The following SORCS1 variants were observed in gnomAD, a reference collection of about 807,000 sequenced individuals.
SORCS1 encodes the protein sortilin related VPS10 domain containing receptor 1.
In SORCS1, 60 loss-of-function variants were observed where a neutral mutation model predicts 146.1. The ratio of observed to expected loss-of-function variants is 0.41; its 90% confidence interval spans 0.33 to 0.51. SORCS1 has a LOEUF of 0.51. SORCS1 is among the 20% of genes least tolerant of loss of function. The pLI is 0.21. For missense variants in SORCS1, 1,352 were observed against 1,487.6 expected, an observed-to-expected ratio of 0.91 and a Z score of 1.50; for synonymous variants, 637 against 584.0, an observed-to-expected ratio of 1.09 and a Z score of -1.31.
rs766457443 is a variant in SORCS1 at position 106,577,367 on chromosome 10, G to A, written c.*53C>T. 2 of 1,612,784 alleles carry A rather than the reference G, an allele frequency of 1.2e-6. No individual in the cohort carries two copies. Among genetic ancestry groups the A allele is most frequent in the East Asian group, 4.5e-5 (2 of 44,840 alleles). On this transcript the variant is annotated 3_prime_UTR_variant, in exon 26 of 26. Transcript: ENST00000263054. ...TCATGAAGGATGATGTACTTGACAAGAGCGAAATTCTTTCCTGATCAGCAG... is the reference window on the plus strand; with the variant it reads ...TCATGAAGGATGATGTACTTGACAAAAGCGAAATTCTTTCCTGATCAGCAG...
intron 7 of SORCS1, among the ~76,000 whole-genome samples, 160 bp downstream of exon 7, chr10:106,709,062 CT>C (rs1457531897): frequency 2.0e-5 from 3 of 152,098 alleles, no homozygotes; most frequent in African/African-American, 7.2e-5. Context: ...ACTAATTATC[CT>C]TTTATTGAAA....
intron 1 of SORCS1, among the ~76,000 whole-genome samples, chr10:106,987,606 A>G (rs1286960946): frequency 6.6e-6 from 1 of 152,264 alleles, no homozygotes; most frequent in East Asian, 1.9e-4. Context: ...AACTGTATAA[A>G]CATAGTTCCC....
At chr10:107,099,152 G>T (rs1362988634) in intron 1 of SORCS1, among the ~76,000 whole-genome samples, 2 of 152,188 alleles carry the variant, frequency 1.3e-5, no homozygotes, top group Non-Finnish European at 2.9e-5. Context: ...AAAATTCTGA[G>T]AGTAGTAAAG....
chr10:106,882,926 A>G (rs1364051009), intron 2 of SORCS1, among the ~76,000 whole-genome samples: 4 of 152,024 alleles, frequency 2.6e-5, no homozygotes, highest in Non-Finnish European at 4.4e-5. Flanking sequence ...CCCCAGCAAA[A>G]CTTTCATAGA....
chr10:106,771,527 G>A (rs141250426), intron 4 of SORCS1, among the ~76,000 whole-genome samples: 3 of 152,254 alleles, frequency 2.0e-5, no homozygotes, highest in Non-Finnish European at 4.4e-5. Flanking sequence ...CAAATGCAAA[G>A]AATTTTTTTA....
intron 2 of SORCS1, among the ~76,000 whole-genome samples, chr10:106,841,613 T>A (rs1366537264): frequency 6.6e-6 from 1 of 152,224 alleles, no homozygotes; most frequent in African/African-American, 2.4e-5. Context: ...ATTGTGATAT[T>A]TGGTTTATTG....
At chr10:107,103,854 G>A (rs867347751) in intron 1 of SORCS1, among the ~76,000 whole-genome samples, 23 of 152,090 alleles carry the variant, frequency 1.5e-4, no homozygotes, top group Admixed American at 5.9e-4. Flanking sequence ...CTAAGCACCC[G>A]TGGCCACTGC....
intron 1 of SORCS1, among the ~76,000 whole-genome samples, chr10:107,044,561 C>T (rs907859371): frequency 2.2e-5 from 3 of 138,868 alleles, no homozygotes; most frequent in African/African-American, 8.0e-5. Context: ...CCGTGGCTCA[C>T]ACCTGTAATC....
At chr10:106,930,429 GGCTGCT>G (rs1953357639) in intron 2 of SORCS1, among the ~76,000 whole-genome samples, 1 of 152,182 alleles carries the variant, frequency 6.6e-6, no homozygotes. Context: ...TAAGTGGCAG[GGCTGCT>G]GTATATTGAA....
At chr10:107,012,493 T>C (rs1490034306) in intron 1 of SORCS1, among the ~76,000 whole-genome samples, 1 of 152,228 alleles carries the variant, frequency 6.6e-6, no homozygotes, top group African/African-American at 2.4e-5. Flanking sequence ...TAGCACTTTT[T>C]ATATATTAAC....
intron 17 of SORCS1, among the ~76,000 whole-genome samples, chr10:106,655,898 T>C (rs1490957223): frequency 5.9e-5 from 9 of 152,216 alleles, no homozygotes; most frequent in Admixed American, 5.9e-4. Flanking sequence ...ATGCATTTAA[T>C]ATGTTATTAA....
chr10:106,681,030 G>T (rs896018376), intron 10 of SORCS1, among the ~76,000 whole-genome samples: 1 of 152,144 alleles, frequency 6.6e-6, no homozygotes, highest in African/African-American at 2.4e-5. Context: ...GATTGGTTTT[G>T]CATAAAAATT....
At chr10:106,805,638 A>T (rs4918258) in intron 3 of SORCS1, among the ~76,000 whole-genome samples, 44,282 of 152,092 alleles carry the variant, frequency 0.29, 6,622 homozygotes, top group Non-Finnish European at 0.31. Flanking sequence ...TGCCATCTAT[A>T]GCTTCCAATA....
intron 1 of SORCS1, among the ~76,000 whole-genome samples, chr10:106,981,275 G>C (rs1397082489): frequency 6.6e-6 from 1 of 152,188 alleles, no homozygotes; most frequent in Non-Finnish European, 1.5e-5. Context: ...TGCATTTGTG[G>C]TAATTGTCTG....
chr10:106,699,179 C>T, intron 9 of SORCS1, 35 bp downstream of exon 9: 2 of 1,556,492 alleles, frequency 1.3e-6, no homozygotes, highest in Non-Finnish European at 1.7e-6. Flanking sequence ...CTGGGCACTG[C>T]TGTGGCTTAG....
At chr10:107,045,829 G>T (rs2134017167) in intron 1 of SORCS1, among the ~76,000 whole-genome samples, 1 of 149,178 alleles carries the variant, frequency 6.7e-6, no homozygotes, top group Admixed American at 6.7e-5. Flanking sequence ...TGTCACCCAG[G>T]CTGGAATACA....
At chr10:106,615,169 C>T (rs1847273741) in intron 21 of SORCS1, among the ~76,000 whole-genome samples, 1 of 152,146 alleles carries the variant, frequency 6.6e-6, no homozygotes, top group South Asian at 2.1e-4. Flanking sequence ...ATTGTAAATT[C>T]CTTCTCTGTC....
intron 9 of SORCS1, among the ~76,000 whole-genome samples, chr10:106,693,603 C>T (rs1853464693): frequency 6.6e-6 from 1 of 152,140 alleles, no homozygotes; most frequent in Non-Finnish European, 1.5e-5. Flanking sequence ...TGTAGAAGAT[C>T]TCAACAACTA....
the SORCS1 span, among the ~76,000 whole-genome samples, chr10:107,180,701 C>T: frequency 7.9e-5 from 12 of 152,072 alleles, no homozygotes; most frequent in African/African-American, 2.4e-4. Context: ...TTTCTAGGTT[C>T]GTGAGATAAG....
Sources: gnomAD v4.1 joint callset for allele counts (sites outside exome capture counted in the v4.1 genomes callset) on GRCh38, gnomAD v4.1.1 for gene constraint, MANE v1.5 for transcripts, NCBI Gene and HGNC (gene_info 2026-07-23, HGNC 2026-07-21) for gene names.